COL28A1: variants seen among roughly 807,000 people sequenced by gnomAD.
COL28A1 encodes collagen type XXVIII alpha 1 chain.
COL28A1 carries 161 observed loss-of-function variants against 150.2 expected under a neutral mutation model. That is an observed-to-expected ratio of 1.07 (90% CI 0.94 to 1.22). COL28A1 has a LOEUF of 1.22. COL28A1 is among the 50% of genes most tolerant of loss of function. The pLI, the probability that COL28A1 is intolerant of heterozygous loss-of-function variation, is 0.00. For synonymous variants in COL28A1, 552 were observed against 469.7 expected (o/e 1.18, Z -2.26); for missense variants, 1,617 against 1,388.3 (o/e 1.16, Z -2.62).
At chr7:7,519,491 CT>C (rs1474697590) in intron 6 of COL28A1, among the ~76,000 whole-genome samples, 1 of 152,122 alleles carries the variant, frequency 6.6e-6, no homozygotes, top group African/African-American at 2.4e-5. Flanking sequence ...ATCTACTTTT[CT>C]CTTTGTGATT....
At chr7:7,521,856 A>G (rs1381295123) in intron 5 of COL28A1, 49 bp downstream of exon 5, 2 of 857,018 alleles carry the variant, frequency 2.3e-6, no homozygotes, top group African/African-American at 3.3e-5. Context: ...GAGTAGAGCT[A>G]TCATTGCTAG....
intron 11 of COL28A1, among the ~76,000 whole-genome samples, chr7:7,492,142 C>T (rs1779946580): frequency 6.6e-6 from 1 of 152,116 alleles, no homozygotes; most frequent in South Asian, 2.1e-4. Flanking sequence ...TGAAACAAGC[C>T]TTCTCTGAGA....
rs539309347 is a variant in COL28A1 at position 7,425,282 on chromosome 7, T to C, written c.1999-5329A>G. ...CTCCAGAACCCATCTCCCATTTTGA[T>C]GTGGACTGGGACTAGATGCAAGACG... On this transcript the variant is annotated intron_variant, in intron 25 of 34. Coordinates refer to ENST00000399429, the MANE Select transcript of COL28A1 (RefSeq NM_001037763.3). 4.1e-4 allele frequency among the ~76,000 whole-genome samples: 63 copies of C among 152,288 alleles called. 2 individuals are homozygous for C. Among genetic ancestry groups the C allele is most frequent in the African/African-American group, 1.4e-3 (60 of 41,564 alleles).
Position 7,506,027 on chromosome 7 carries a change from A to T in COL28A1, c.1013T>A (p.Phe338Tyr), listed in dbSNP as rs766611526. ...GGGTAAGATTACCTTATTGCCTTGA[A>T]ACCCCTTTGGGCCTGGGTCTCCTGG... ...GPPGDPGPKG[F>Y]QGNKGEPGPP... is the part of the protein sequence containing the mutation. Residue 338 changes from phenylalanine to tyrosine, a missense_variant, in exon 11 of 35, where the codon TTT becomes TAT. Coordinates refer to ENST00000399429, the MANE Select transcript of COL28A1 (RefSeq NM_001037763.3). The T allele has an allele frequency of 3.5e-6, 5 of 1,442,058 alleles. No individual in the cohort carries two copies. The highest frequency in any genetic ancestry group is 4.9e-6 in the Non-Finnish European group (5 of 1,022,950). The allele number at this position is 1,442,058 out of a possible 1,614,324, so 89.3% of individuals were successfully genotyped here. A position where few individuals can be genotyped will look rare whatever the true frequency, so the allele number is the denominator to read the frequency against.
At position 7,521,889 on chromosome 7, in the gene COL28A1, G is replaced by T. The variant is rs757171933; in HGVS notation, c.759+16C>A. The T allele has an allele frequency of 1.0e-6, 1 of 964,744 alleles. No homozygotes were observed. 59.8% of individuals were successfully genotyped at this position (964,744 alleles called of 1,614,324 possible). A position where few individuals can be genotyped will look rare whatever the true frequency, so the allele number is the denominator to read the frequency against. Reference sequence around the variant, plus strand: ...TAGGACTTTCTGACTTAAGTTCAAAGTGGAAGTATACTCACAGGAGGCCCT... The same window carrying T: ...TAGGACTTTCTGACTTAAGTTCAAATTGGAAGTATACTCACAGGAGGCCCT... On this transcript the variant is annotated intron_variant, in intron 5 of 34. Coordinates refer to ENST00000399429, the MANE Select transcript of COL28A1 (RefSeq NM_001037763.3).
intron 25 of COL28A1, among the ~76,000 whole-genome samples, chr7:7,424,437 C>A (rs1225964065): frequency 6.6e-6 from 1 of 152,088 alleles, no homozygotes; most frequent in Non-Finnish European, 1.5e-5. Flanking sequence ...ACCGTAGGTA[C>A]CTAAGAAGTG....
rs746707649 is a variant in COL28A1, at chr7:7,453,425, C to G, written c.1440+15G>C. ...CTATAGATATATTAAACTCCGCTCTCATTTACAAAGTTACCTTGGAACCAG... is the reference window on the plus strand; with the variant it reads ...CTATAGATATATTAAACTCCGCTCTGATTTACAAAGTTACCTTGGAACCAG... On this transcript the variant is annotated intron_variant, in intron 17 of 34. Coordinates refer to ENST00000399429, the MANE Select transcript of COL28A1 (RefSeq NM_001037763.3). 9.3e-7 allele frequency: 1 copy of G among 1,071,354 alleles called. No individual in the cohort carries two copies. The highest frequency in any genetic ancestry group is 1.2e-5 in the South Asian group (1 of 80,368). 66.4% of individuals were successfully genotyped at this position (1,071,354 alleles called of 1,614,324 possible).
intron 11 of COL28A1, among the ~76,000 whole-genome samples, chr7:7,492,334 G>A (rs941879490): frequency 2.6e-4 from 40 of 151,818 alleles, no homozygotes; most frequent in Non-Finnish European, 1.3e-4. Context: ...AGCACTTTGG[G>A]AGGCCGAGGC....
Position 7,515,983 on chromosome 7 carries a change from C to T in COL28A1, c.856-143G>A, listed in dbSNP as rs10282183. 7.2e-3 allele frequency: 3,985 copies of T among 556,960 alleles called. 126 individuals carry two copies. Among genetic ancestry groups the T allele is most frequent in the African/African-American group, 0.069 (3,480 of 50,358 alleles). The allele number at this position is 556,960 out of a possible 1,614,324, so 34.5% of individuals were successfully genotyped here. A position where few individuals can be genotyped will look rare whatever the true frequency, so the allele number is the denominator to read the frequency against. The stretch of plus-strand genomic sequence containing the variant: ...TTAGATCATAGAAATGTAAACTGTT[C>T]CACTTCTCTTTGTGCTTGGAGAAAT... On this transcript the variant is annotated intron_variant, in intron 7 of 34. Transcript: ENST00000399429.
At chr7:7,537,564 G>C (rs1457563076), upstream of COL28A1, among the ~76,000 whole-genome samples, 1 of 152,208 alleles carries the variant, frequency 6.6e-6, no homozygotes, top group East Asian at 1.9e-4. Flanking sequence ...TAAAACCAGA[G>C]AATGGCAAAA....
rs756842702 is a variant in COL28A1 at position 7,492,418 on chromosome 7, TA to T, written c.1027-1773del. On this transcript the variant is annotated intron_variant, in intron 11 of 34. Transcript: ENST00000399429. ...GTGAAACACTGTCTACTAAAAATAC[TA>T]AAAAAAAAAAAAAAAATTAGCTGGG... is the stretch of plus-strand genomic sequence containing the variant. Among the ~76,000 whole-genome samples the T allele has an allele frequency of 4.9e-3, 613 of 124,596 alleles. 1 individual carries two copies. The highest frequency in any genetic ancestry group is 0.03 in the East Asian group (134 of 4,484). 81.7% of individuals were successfully genotyped at this position (124,596 alleles called of 152,430 possible).
At chr7:7,433,314 A>C (rs1038680727) in intron 23 of COL28A1, among the ~76,000 whole-genome samples, 2 of 152,108 alleles carry the variant, frequency 1.3e-5, no homozygotes. Flanking sequence ...GGGGGAGAGA[A>C]AAAAATTAAG....
At chr7:7,404,643 C>A (rs1783397794) in intron 27 of COL28A1, among the ~76,000 whole-genome samples, 1 of 152,132 alleles carries the variant, frequency 6.6e-6, no homozygotes, top group Non-Finnish European at 1.5e-5. Flanking sequence ...ATTATCTACT[C>A]ATAAGGCCAT....
intron 30 of COL28A1, among the ~76,000 whole-genome samples, chr7:7,378,988 T>A (rs971934729): frequency 1.3e-5 from 2 of 152,212 alleles, no homozygotes; most frequent in African/African-American, 4.8e-5. Context: ...TGGCCACTTC[T>A]TGGCTGGGCC....
chr7:7,367,284 C>A (rs925656966), intron 33 of COL28A1, among the ~76,000 whole-genome samples: 1 of 152,140 alleles, frequency 6.6e-6, no homozygotes, highest in Non-Finnish European at 1.5e-5. Context: ...AATTGGCTAG[C>A]GAAACATTTC....
chr7:7,429,889 G>A (rs962872935), intron 25 of COL28A1, among the ~76,000 whole-genome samples: 4 of 152,154 alleles, frequency 2.6e-5, no homozygotes, highest in African/African-American at 7.2e-5. Flanking sequence ...GGCTCACTCA[G>A]ACAATGGGAG....
At position 7,383,288 on chromosome 7, in the gene COL28A1, G is replaced by GTGTGTGTT. The variant is rs1554262225; in HGVS notation, c.2137-1677_2137-1676insAACACACA. Among the ~76,000 whole-genome samples, 81 of 94,612 alleles carry GTGTGTGTT rather than the reference G, an allele frequency of 8.6e-4. 1 individual carries two copies. Among genetic ancestry groups the GTGTGTGTT allele is most frequent in the African/African-American group, 4.2e-3 (76 of 18,288 alleles). 62.1% of individuals were successfully genotyped at this position (94,612 alleles called of 152,430 possible). A position where few individuals can be genotyped will look rare whatever the true frequency, so the allele number is the denominator to read the frequency against. On this transcript the variant is annotated intron_variant, in intron 27 of 34. Transcript: ENST00000399429. ...TGTGTGTGTGTGTGTGTGTGTGTGT[G>GTGTGTGTT]TTTTTTTTGAGACAGAGTCTCACTC...
chr7:7,348,867 C>T, the COL28A1 span, among the ~76,000 whole-genome samples: 1 of 152,194 alleles, frequency 6.6e-6, no homozygotes, highest in African/African-American at 2.4e-5. Context: ...CTCAGCTTCT[C>T]CAGTAGCTAG....
At chr7:7,389,463 T>C (rs538613251) in intron 27 of COL28A1, among the ~76,000 whole-genome samples, 210 of 152,310 alleles carry the variant, frequency 1.4e-3, no homozygotes, top group African/African-American at 4.9e-3. Flanking sequence ...TTGCTTAAGA[T>C]TGTCTTGGTT....
Sources: gnomAD v4.1 joint callset for allele counts (sites outside exome capture counted in the v4.1 genomes callset) on GRCh38, gnomAD v4.1.1 for gene constraint, MANE v1.5 for transcripts, NCBI Gene and HGNC (gene_info 2026-07-23, HGNC 2026-07-21) for gene names.